KLHL4: variants seen among roughly 807,000 people sequenced by gnomAD.
The protein encoded by KLHL4 is kelch-like protein 4.
KLHL4 carries 17 observed loss-of-function variants against 45.8 expected under a neutral mutation model. The observed-to-expected ratio is 0.37, with a 90% CI of 0.25 to 0.56. The LOEUF (loss-of-function observed/expected upper bound fraction) is 0.56. Among genes scored for constraint, KLHL4 ranks in the 20% least tolerant of loss-of-function variants. KLHL4 has a pLI of 0.79. For synonymous variants in KLHL4, 224 were observed against 189.9 expected (o/e 1.18, Z -1.47); for missense variants, 544 against 544.9 (o/e 1.00, Z 0.02).
intron 1 of KLHL4, among the ~76,000 whole-genome samples, chrX:87,602,776 A>T (rs951797268): frequency 6.3e-5 from 7 of 111,761 alleles, no homozygotes; most frequent in Non-Finnish European, 1.3e-4. Context: ...TGTGTATATA[A>T]AAATGAAAGC....
intron 1 of KLHL4, among the ~76,000 whole-genome samples, chrX:87,546,395 C>T (rs1931684660): frequency 8.9e-6 from 1 of 111,895 alleles, no homozygotes; most frequent in African/African-American, 3.2e-5. Flanking sequence ...GTTAGACCTG[C>T]AGGTGCACAG....
At chrX:87,635,266 T>G (rs1039396290) in intron 8 of KLHL4, among the ~76,000 whole-genome samples, 7 of 111,997 alleles carry the variant, frequency 6.3e-5, no homozygotes, top group African/African-American at 2.3e-4. Context: ...TCTTTTTTTC[T>G]GTGCCTCATA....
In KLHL4 at chrX:87,669,204, A is replaced by G; in HGVS notation, c.*2670A>G. ...TTTACTGTACTCAGATCTGAAAGAC[A>G]ATGTTGCTTCTTGATTTTTTTCTAT... On this transcript the variant is annotated 3_prime_UTR_variant, in exon 11 of 11. Coordinates refer to ENST00000373119, the MANE Select transcript of KLHL4 (RefSeq NM_019117.5). The G allele has an allele frequency of 9.1e-7, 1 of 1,097,889 alleles. No homozygotes were observed. The highest frequency in any genetic ancestry group is 1.2e-6 in the Non-Finnish European group (1 of 836,890). 90.5% of individuals were successfully genotyped at this position (1,097,889 alleles called of 1,213,427 possible). A position where few individuals can be genotyped will look rare whatever the true frequency, so the allele number is the denominator to read the frequency against.
At chrX:87,664,313 G>A (rs183375438) in intron 9 of KLHL4, among the ~76,000 whole-genome samples, 21 of 111,742 alleles carry the variant, frequency 1.9e-4, no homozygotes, top group Non-Finnish European at 3.4e-4. Flanking sequence ...ATTTCATACA[G>A]CAAAAATAGA....
At chrX:87,556,775 T>A (rs1260453209) in intron 1 of KLHL4, among the ~76,000 whole-genome samples, 1 of 69,258 alleles carries the variant, frequency 1.4e-5, no homozygotes, top group East Asian at 8.9e-4. Context: ...AGTGCTACCA[T>A]GTGCCATATC....
intron 1 of KLHL4, among the ~76,000 whole-genome samples, chrX:87,587,687 AC>A (rs1162198819): frequency 1.8e-5 from 2 of 111,307 alleles, no homozygotes; most frequent in Non-Finnish European, 3.8e-5. Flanking sequence ...TGGACTCAGA[AC>A]TATTATCATA....
chrX:87,645,066 A>G (rs1177759740), intron 9 of KLHL4, among the ~76,000 whole-genome samples: 1 of 112,232 alleles, frequency 8.9e-6, no homozygotes, highest in East Asian at 2.8e-4. Context: ...TAATTAAACT[A>G]AAGAGCTTCT....
At chrX:87,613,529 G>A (rs1223963332) in intron 1 of KLHL4, among the ~76,000 whole-genome samples, 6 of 111,121 alleles carry the variant, frequency 5.4e-5, no homozygotes, top group Non-Finnish European at 1.1e-4. Flanking sequence ...AGGGTTTCCT[G>A]CCTATTGACG....
At chrX:87,654,750 G>A (rs1166413848) in intron 9 of KLHL4, among the ~76,000 whole-genome samples, 1 of 111,606 alleles carries the variant, frequency 9.0e-6, no homozygotes, top group Non-Finnish European at 1.9e-5. Flanking sequence ...GTACTTATTT[G>A]CATTCCCACC....
chrX:87,577,864 A>G (rs766959101), intron 1 of KLHL4, among the ~76,000 whole-genome samples: 2 of 111,626 alleles, frequency 1.8e-5, no homozygotes, highest in Non-Finnish European at 3.8e-5. Flanking sequence ...AAAGAATGTA[A>G]TGCTTTCTTT....
intron 9 of KLHL4, among the ~76,000 whole-genome samples, chrX:87,645,625 C>A (rs1460035557): frequency 2.7e-5 from 3 of 111,641 alleles, no homozygotes; most frequent in African/African-American, 9.8e-5. Context: ...GCACAATTCA[C>A]ACTTGCAAAA....
At chrX:87,566,343 G>C (rs1484857311) in intron 1 of KLHL4, among the ~76,000 whole-genome samples, 1 of 110,714 alleles carries the variant, frequency 9.0e-6, no homozygotes, top group East Asian at 2.9e-4. Flanking sequence ...AAATACAATT[G>C]TTCCTAAAAA....
Position 87,518,232 on chromosome X carries a change from G to T in KLHL4, c.339G>T (p.Lys113Asn), listed in dbSNP as rs186431341. The change falls in exon 1 of 11, where the codon AAG becomes AAT. Residue 113 changes from lysine to asparagine, a missense_variant. By Grantham distance (94) the Lys-to-Asn change is moderately conservative. Coordinates refer to ENST00000373119, the MANE Select transcript of KLHL4 (RefSeq NM_019117.5). ...NEDTPKSVPEKNLFKEACEKR... is the reference protein window; with the variant it reads ...NEDTPKSVPENNLFKEACEKR... ...ATACTCCTAAATCAGTTCCAGAGAA[G>T]AATTTATTCAAAGAAGCTTGTGAGA... 9.9e-6 allele frequency: 12 copies of T among 1,209,938 alleles called. No homozygotes were observed. The East Asian group carries it at 2.4e-4, about 24-fold the overall frequency.
chrX:87,527,483 C>T (rs1039619794), intron 1 of KLHL4, among the ~76,000 whole-genome samples: 5 of 111,222 alleles, frequency 4.5e-5, no homozygotes, highest in Non-Finnish European at 7.5e-5. Context: ...CAAAGCCACG[C>T]GACACTCTCC....
At chrX:87,595,392 T>A (rs923182492) in intron 1 of KLHL4, among the ~76,000 whole-genome samples, 5 of 112,305 alleles carry the variant, frequency 4.5e-5, no homozygotes, top group African/African-American at 1.6e-4. Context: ...TTCTTCATGA[T>A]CTGTGGAGTG....
intron 1 of KLHL4, among the ~76,000 whole-genome samples, chrX:87,611,812 C>A (rs921576171): frequency 4.5e-5 from 5 of 110,782 alleles, no homozygotes; most frequent in African/African-American, 1.6e-4. Context: ...GAAAGCTCCA[C>A]GTGTCTTATT....
chrX:87,550,575 A>G (rs1388726612), intron 1 of KLHL4, among the ~76,000 whole-genome samples: 4 of 111,343 alleles, frequency 3.6e-5, no homozygotes, highest in Non-Finnish European at 7.6e-5. Context: ...ACAGACCAAT[A>G]TCCCTCATGT....
At chrX:87,640,613 G>A (rs886123862) in intron 9 of KLHL4, among the ~76,000 whole-genome samples, 3 of 111,596 alleles carry the variant, frequency 2.7e-5, no homozygotes, top group Non-Finnish European at 5.6e-5. Flanking sequence ...AATAAATGCA[G>A]TAAAACCCTT....
intron 1 of KLHL4, among the ~76,000 whole-genome samples, chrX:87,568,737 T>C (rs1932274856): frequency 9.0e-6 from 1 of 111,387 alleles, no homozygotes; most frequent in African/African-American, 3.3e-5. Flanking sequence ...GCTAAGACTA[T>C]ACAATGGGGT....
Sources: gnomAD v4.1 joint callset for allele counts (sites outside exome capture counted in the v4.1 genomes callset) on GRCh38, gnomAD v4.1.1 for gene constraint, MANE v1.5 for transcripts, NCBI Gene and HGNC (gene_info 2026-07-23, HGNC 2026-07-21) for gene names.